The following LRRC37A2 variants were observed in gnomAD, a reference collection of about 807,000 sequenced individuals.
The protein encoded by LRRC37A2 is leucine-rich repeat-containing protein 37A2.
A neutral mutation model predicts 68.8 loss-of-function variants in LRRC37A2; 9 were observed. That is an observed-to-expected ratio of 0.13 (90% CI 0.08 to 0.23). The LOEUF is 0.23. Among genes scored for constraint, LRRC37A2 ranks in the 10% least tolerant of loss-of-function variants. LRRC37A2 has a pLI of 1.00. For missense variants in LRRC37A2, 168 were observed against 950.4 expected (o/e 0.18, Z 10.82); for synonymous variants, 63 against 367.6 (o/e 0.17, Z 9.48).
At chr17:46,960,533 T>C in the LRRC37A2 span, among the ~76,000 whole-genome samples, 3 of 152,330 alleles carry the variant, frequency 2.0e-5, no homozygotes, top group African/African-American at 7.2e-5. Flanking sequence ...AAACTTTTGT[T>C]CACACATACA....
chr17:46,831,804 C>T, the LRRC37A2 span, among the ~76,000 whole-genome samples: 2 of 152,254 alleles, frequency 1.3e-5, no homozygotes, highest in African/African-American at 4.8e-5. Context: ...CCCTCTGGGT[C>T]TCAGTGTCCC....
chr17:46,778,780 G>A, the LRRC37A2 span, among the ~76,000 whole-genome samples: 15 of 152,100 alleles, frequency 9.9e-5, no homozygotes, highest in Non-Finnish European at 1.5e-4. Context: ...CCCTCGGCTC[G>A]AAGCACCTCT....
At chr17:47,034,198 CAT>C in the LRRC37A2 span, among the ~76,000 whole-genome samples, 2 of 152,146 alleles carry the variant, frequency 1.3e-5, no homozygotes, top group African/African-American at 4.8e-5. Context: ...AAAGTGGAAA[CAT>C]AAATATAAAT....
chr17:46,904,482 ATGGATGGATGGG>A, the LRRC37A2 span, among the ~76,000 whole-genome samples: 1 of 136,104 alleles, frequency 7.3e-6, no homozygotes, highest in Non-Finnish European at 1.6e-5. Flanking sequence ...GGATGGATGG[ATGGATGGATGGG>A]TGGATGGGTG....
the LRRC37A2 span, among the ~76,000 whole-genome samples, chr17:46,889,787 G>T: frequency 6.6e-6 from 1 of 152,102 alleles, no homozygotes; most frequent in Non-Finnish European, 1.5e-5. Flanking sequence ...AAAACAGAAG[G>T]CAGCTTCTAC....
At chr17:46,971,211 C>T in the LRRC37A2 span, among the ~76,000 whole-genome samples, 1 of 151,986 alleles carries the variant, frequency 6.6e-6, no homozygotes, top group Non-Finnish European at 1.5e-5. Flanking sequence ...GTGGTGGGTG[C>T]CTGTAATCTC....
the LRRC37A2 span, among the ~76,000 whole-genome samples, chr17:46,849,048 G>C: frequency 2.6e-5 from 4 of 152,198 alleles, no homozygotes; most frequent in African/African-American, 9.6e-5. Flanking sequence ...CAAAAAGACA[G>C]AAGCAGAACT....
the LRRC37A2 span, among the ~76,000 whole-genome samples, chr17:46,458,828 A>G: frequency 3.7e-5 from 4 of 108,722 alleles, 1 homozygote; most frequent in Non-Finnish European, 8.4e-5. Context: ...GGCGTGACCC[A>G]CCGTGCCCGG....
At chr17:46,785,142 C>T in the LRRC37A2 span, among the ~76,000 whole-genome samples, 3 of 152,184 alleles carry the variant, frequency 2.0e-5, no homozygotes, top group Non-Finnish European at 4.4e-5. Flanking sequence ...CCCTTGGGGA[C>T]CCCTCTCTGA....
At chr17:46,972,796 G>A in the LRRC37A2 span, among the ~76,000 whole-genome samples, 23 of 152,182 alleles carry the variant, frequency 1.5e-4, no homozygotes, top group East Asian at 1.6e-3. Flanking sequence ...GTGGACGAGC[G>A]TCTCTGCAGT....
chr17:46,492,988 C>G, the LRRC37A2 span, among the ~76,000 whole-genome samples: 780 of 147,978 alleles, frequency 5.3e-3, 44 homozygotes, highest in African/African-American at 0.019. Context: ...GCCACTGCGC[C>G]TGGCCTCAAG....
chr17:46,933,903 C>T, the LRRC37A2 span, among the ~76,000 whole-genome samples: 10 of 150,914 alleles, frequency 6.6e-5, no homozygotes, highest in African/African-American at 2.2e-4. Context: ...TAGGTCAAGG[C>T]TGCTCTCTAT....
the LRRC37A2 span, among the ~76,000 whole-genome samples, chr17:46,901,609 T>G: frequency 2.0e-5 from 3 of 152,130 alleles, no homozygotes; most frequent in Non-Finnish European, 4.4e-5. Flanking sequence ...TTGTATTCAG[T>G]GTAGTAGGTG....
chr17:46,918,044 T>C, the LRRC37A2 span, among the ~76,000 whole-genome samples: 3 of 152,250 alleles, frequency 2.0e-5, no homozygotes, highest in African/African-American at 7.2e-5. Context: ...AAATCACTAT[T>C]CTTCACGAGT....
the LRRC37A2 span, among the ~76,000 whole-genome samples, chr17:46,847,378 A>G: frequency 6.6e-6 from 1 of 152,212 alleles, no homozygotes. Context: ...CATCTGTATA[A>G]TGGGGACAAT....
At chr17:46,900,202 T>TATATATATATATATATATATATACAC in the LRRC37A2 span, among the ~76,000 whole-genome samples, 1 of 101,172 alleles carries the variant, frequency 9.9e-6, no homozygotes, top group Non-Finnish European at 1.8e-5. Flanking sequence ...TATATATATA[T>TATATATATATATATATATATATACAC]ACACACACAC....
the LRRC37A2 span, among the ~76,000 whole-genome samples, chr17:46,503,250 C>T: frequency 1.4e-5 from 2 of 145,344 alleles, no homozygotes; most frequent in African/African-American, 2.7e-5. Flanking sequence ...TCCTTCCCAA[C>T]AAGCGTTTCT....
At chr17:46,839,247 A>G in the LRRC37A2 span, among the ~76,000 whole-genome samples, 2 of 152,242 alleles carry the variant, frequency 1.3e-5, no homozygotes, top group African/African-American at 2.4e-5. Context: ...TGCTTATTCT[A>G]TTAGCTCTGA....
chr17:46,947,271 T>C, the LRRC37A2 span, among the ~76,000 whole-genome samples: 3 of 152,130 alleles, frequency 2.0e-5, no homozygotes, highest in African/African-American at 4.8e-5. Context: ...CTTTGGTGTA[T>C]GTGTGCAAGA....
Sources: allele counts gnomAD v4.1 joint callset (sites outside exome capture counted in the v4.1 genomes callset), GRCh38; gene constraint gnomAD v4.1.1; transcripts MANE v1.5; gene names NCBI Gene and HGNC (gene_info 2026-07-23, HGNC 2026-07-21).